Variants in ZBTB20 observed in about 807,000 individuals in gnomAD.
ZBTB20 encodes zinc finger and BTB domain-containing protein 20.
ZBTB20 carries 9 observed loss-of-function variants against 56.9 expected under a neutral mutation model. That is an observed-to-expected ratio of 0.16 (90% CI 0.10 to 0.28). The LOEUF (loss-of-function observed/expected upper bound fraction) is 0.28, where lower values mean the gene tolerates loss of function less well. Among genes scored for constraint, ZBTB20 ranks in the 10% least tolerant of loss-of-function variants. The pLI is 1.00. For missense variants in ZBTB20, 655 were observed against 1,003.0 expected (o/e 0.65, Z 4.69); for synonymous variants, 417 against 420.7 (o/e 0.99, Z 0.11).
chr3:115,050,560 T>C (rs1369570572), intron 2 of ZBTB20, among the ~76,000 whole-genome samples: 1 of 152,048 alleles, frequency 6.6e-6, no homozygotes, highest in African/African-American at 2.4e-5. Flanking sequence ...ATTTTATAAA[T>C]TATGATACTT....
intron 7 of ZBTB20, among the ~76,000 whole-genome samples, chr3:114,391,900 G>A (rs538011168): frequency 6.6e-6 from 1 of 152,316 alleles, no homozygotes; most frequent in South Asian, 2.1e-4. Flanking sequence ...GCACCAATAG[G>A]CCCAACAGAT....
intron 2 of ZBTB20, among the ~76,000 whole-genome samples, chr3:114,978,617 T>C (rs1042050100): frequency 2.0e-5 from 3 of 151,754 alleles, no homozygotes; most frequent in African/African-American, 7.2e-5. Context: ...ATACAGACTA[T>C]GCACAACTTT....
chr3:115,095,094 C>A (rs1186080247), intron 1 of ZBTB20, among the ~76,000 whole-genome samples: 2 of 151,994 alleles, frequency 1.3e-5, no homozygotes, highest in Non-Finnish European at 2.9e-5. Flanking sequence ...TATTCAGTGA[C>A]AAAATTACTT....
intron 7 of ZBTB20, among the ~76,000 whole-genome samples, chr3:114,410,125 A>C (rs1323669037): frequency 6.6e-6 from 1 of 152,178 alleles, no homozygotes; most frequent in Non-Finnish European, 1.5e-5. Context: ...GACAAGGTCC[A>C]TCTAACAGGT....
chr3:114,478,343 G>A (rs2041118558), intron 7 of ZBTB20, among the ~76,000 whole-genome samples: 1 of 152,186 alleles, frequency 6.6e-6, no homozygotes, highest in Admixed American at 6.5e-5. Context: ...AATTTTGGAT[G>A]TTTAACTGGA....
intron 7 of ZBTB20, among the ~76,000 whole-genome samples, chr3:114,453,921 T>TCCCCCCC (rs71616313): frequency 1.2e-5 from 1 of 80,306 alleles, no homozygotes; most frequent in Non-Finnish European, 2.4e-5. Context: ...TTAAGCTCAC[T>TCCCCCCC]CCCCCCCCCC....
chr3:115,104,706 G>A (rs2083673307), intron 1 of ZBTB20, among the ~76,000 whole-genome samples: 1 of 152,164 alleles, frequency 6.6e-6, no homozygotes, highest in African/African-American at 2.4e-5. Context: ...CAAGAGTTTA[G>A]GGTAGAGAGA....
intron 3 of ZBTB20, among the ~76,000 whole-genome samples, chr3:114,938,995 G>A (rs1035674830): frequency 1.4e-5 from 2 of 144,960 alleles, no homozygotes; most frequent in Non-Finnish European, 2.9e-5. Context: ...AAATGTCCCC[G>A]TTCTGGTATT....
intron 6 of ZBTB20, among the ~76,000 whole-genome samples, chr3:114,558,176 T>C (rs2051500850): frequency 6.6e-6 from 1 of 151,982 alleles, no homozygotes; most frequent in Non-Finnish European, 1.5e-5. Context: ...TAAACTTCTA[T>C]TAAAAAGGGA....
intron 3 of ZBTB20, among the ~76,000 whole-genome samples, chr3:114,920,770 GA>G (rs1241348879): frequency 2.6e-5 from 4 of 151,792 alleles, no homozygotes; most frequent in Non-Finnish European, 5.9e-5. Context: ...AAATGAAATA[GA>G]AAATAGAAAA....
chr3:114,494,777 T>G (rs1373358517), intron 7 of ZBTB20, among the ~76,000 whole-genome samples: 1 of 152,194 alleles, frequency 6.6e-6, no homozygotes, highest in Non-Finnish European at 1.5e-5. Context: ...CCATTTCCTC[T>G]TTACACTAAG....
intron 6 of ZBTB20, among the ~76,000 whole-genome samples, chr3:114,616,210 T>C (rs1469806695): frequency 6.6e-6 from 1 of 152,174 alleles, no homozygotes; most frequent in Non-Finnish European, 1.5e-5. Flanking sequence ...GTTTTGCCAA[T>C]AGCTTGAACC....
intron 1 of ZBTB20, among the ~76,000 whole-genome samples, chr3:115,130,610 T>C (rs911619757): frequency 6.6e-6 from 1 of 152,120 alleles, no homozygotes; most frequent in African/African-American, 2.4e-5. Context: ...TAAGAGAACA[T>C]GTAGAAAATT....
chr3:115,055,273 C>T (rs2081729895), intron 2 of ZBTB20, among the ~76,000 whole-genome samples: 1 of 147,570 alleles, frequency 6.8e-6, no homozygotes, highest in Admixed American at 6.9e-5. Context: ...CATAAGGACA[C>T]TCAAGCAGCC....
intron 6 of ZBTB20, among the ~76,000 whole-genome samples, chr3:114,637,606 T>A (rs2059345191): frequency 6.6e-6 from 1 of 152,122 alleles, no homozygotes; most frequent in African/African-American, 2.4e-5. Context: ...ATCATCTCCA[T>A]GATTTCTTAA....
intron 5 of ZBTB20, among the ~76,000 whole-genome samples, chr3:114,737,921 T>C (rs1341557611): frequency 2.0e-5 from 3 of 152,160 alleles, no homozygotes; most frequent in Non-Finnish European, 4.4e-5. Flanking sequence ...CCCATTTTAC[T>C]ATGAACTGTA....
intron 6 of ZBTB20, among the ~76,000 whole-genome samples, chr3:114,507,966 T>C (rs2044838370): frequency 6.6e-6 from 1 of 152,160 alleles, no homozygotes; most frequent in Non-Finnish European, 1.5e-5. Context: ...TTGAATCTAC[T>C]AAGGCTTTAA....
chr3:114,510,974 T>A (rs2045302878), intron 6 of ZBTB20, among the ~76,000 whole-genome samples: 1 of 151,678 alleles, frequency 6.6e-6, no homozygotes, highest in South Asian at 2.1e-4. Flanking sequence ...TCTAAGATGA[T>A]CACTGTTTTC....
chr3:114,847,940 G>C (rs992410827), intron 4 of ZBTB20, among the ~76,000 whole-genome samples: 5 of 152,122 alleles, frequency 3.3e-5, no homozygotes, highest in African/African-American at 1.2e-4. Context: ...CTAGCTTTCA[G>C]GAAGTAATGC....
Sources: allele counts gnomAD v4.1 joint callset (sites outside exome capture counted in the v4.1 genomes callset), GRCh38; gene constraint gnomAD v4.1.1; transcripts MANE v1.5; gene names NCBI Gene and HGNC (gene_info 2026-07-23, HGNC 2026-07-21).